Variants in KCNH5 observed in about 807,000 individuals in gnomAD.
The protein encoded by KCNH5 is voltage-gated delayed rectifier potassium channel KCNH5.
A neutral mutation model predicts 96.1 loss-of-function variants in KCNH5; 46 were observed. The observed-to-expected ratio is 0.48, with a 90% confidence interval of 0.38 to 0.61. The LOEUF is 0.61. KCNH5 is among the 20% of genes least tolerant of loss of function. KCNH5 has a pLI of 0.00. For synonymous variants in KCNH5, 439 were observed against 449.8 expected, an observed-to-expected ratio of 0.98 and a Z score of 0.30; for missense variants, 907 against 1,225.8, an observed-to-expected ratio of 0.74 and a Z score of 3.88.
intron 1 of KCNH5, among the ~76,000 whole-genome samples, chr14:63,017,798 C>T (rs56913206): frequency 0.048 from 7,250 of 151,500 alleles, 200 homozygotes; most frequent in East Asian, 0.062. Flanking sequence ...TTCAAAATTT[C>T]ACCTAAGAAA....
At chr14:62,834,559 A>G (rs1055905157) in intron 8 of KCNH5, among the ~76,000 whole-genome samples, 1 of 151,988 alleles carries the variant, frequency 6.6e-6, no homozygotes, top group African/African-American at 2.4e-5. Flanking sequence ...GGCAAGGTAC[A>G]TAAGAGTTTT....
At chr14:62,789,401 A>G (rs1054459736) in intron 9 of KCNH5, among the ~76,000 whole-genome samples, 1 of 152,034 alleles carries the variant, frequency 6.6e-6, no homozygotes, top group Non-Finnish European at 1.5e-5. Flanking sequence ...GGGGGTGCAG[A>G]TATCTCTAGG....
At chr14:62,985,791 C>G (rs956687906) in intron 5 of KCNH5, among the ~76,000 whole-genome samples, 1 of 152,120 alleles carries the variant, frequency 6.6e-6, no homozygotes, top group African/African-American at 2.4e-5. Flanking sequence ...GAGTGCCAGA[C>G]CCATAAATCT....
At chr14:63,039,206 C>G (rs1268436943) in intron 1 of KCNH5, among the ~76,000 whole-genome samples, 1 of 152,004 alleles carries the variant, frequency 6.6e-6, no homozygotes, top group Admixed American at 6.6e-5. Flanking sequence ...AAAGAATTGC[C>G]TTAAACCAAA....
At chr14:62,713,317 C>A (rs937368642) in intron 10 of KCNH5, among the ~76,000 whole-genome samples, 1 of 152,150 alleles carries the variant, frequency 6.6e-6, no homozygotes, top group Non-Finnish European at 1.5e-5. Context: ...AATGTCTACT[C>A]CTCATTTGGA....
At chr14:63,002,489 T>G (rs1202072067) in intron 3 of KCNH5, among the ~76,000 whole-genome samples, 2 of 152,162 alleles carry the variant, frequency 1.3e-5, no homozygotes, top group African/African-American at 2.4e-5. Flanking sequence ...CCTCCAAATA[T>G]TCTATTTTAA....
intron 10 of KCNH5, among the ~76,000 whole-genome samples, chr14:62,727,666 C>T (rs1884958969): frequency 6.6e-6 from 1 of 151,406 alleles, no homozygotes; most frequent in Admixed American, 6.6e-5. Flanking sequence ...TATATTAATT[C>T]AGTGTATTAT....
At chr14:62,752,374 G>A (rs955710381) in intron 10 of KCNH5, among the ~76,000 whole-genome samples, 4 of 151,958 alleles carry the variant, frequency 2.6e-5, no homozygotes, top group Admixed American at 6.6e-5. Flanking sequence ...CAGCTTGAAC[G>A]CAGTGGGGAA....
intron 6 of KCNH5, among the ~76,000 whole-genome samples, chr14:62,952,935 T>C (rs1039476462): frequency 6.6e-6 from 1 of 152,046 alleles, no homozygotes; most frequent in Non-Finnish European, 1.5e-5. Flanking sequence ...TTAAATATTA[T>C]AAAATGTTTT....
intron 6 of KCNH5, among the ~76,000 whole-genome samples, chr14:62,976,014 G>A (rs1367835212): frequency 6.6e-6 from 1 of 151,434 alleles, no homozygotes; most frequent in African/African-American, 2.4e-5. Flanking sequence ...GCATTATTAG[G>A]GACAAAGAGA....
intron 10 of KCNH5, among the ~76,000 whole-genome samples, chr14:62,743,079 T>C (rs1885304687): frequency 6.6e-6 from 1 of 152,202 alleles, no homozygotes. Context: ...AGTTTTCCCG[T>C]CATTTTGCCT....
chr14:62,865,181 G>A (rs995206016), intron 7 of KCNH5, among the ~76,000 whole-genome samples: 6 of 152,154 alleles, frequency 3.9e-5, no homozygotes, highest in Non-Finnish European at 8.8e-5. Context: ...GTCTACGTGA[G>A]TTGGCAGGGC....
chr14:62,725,614 G>A (rs1884909300), intron 10 of KCNH5, among the ~76,000 whole-genome samples: 2 of 152,184 alleles, frequency 1.3e-5, no homozygotes, highest in Admixed American at 6.5e-5. Flanking sequence ...TCACAATTTT[G>A]AGAGTCAGCT....
chr14:62,715,295 T>C (rs896604833), intron 10 of KCNH5, among the ~76,000 whole-genome samples: 6 of 152,214 alleles, frequency 3.9e-5, no homozygotes, highest in African/African-American at 1.4e-4. Flanking sequence ...TTCTCTCAAA[T>C]GGCTCATCAC....
intron 1 of KCNH5, among the ~76,000 whole-genome samples, chr14:63,036,286 G>A (rs1891720035): frequency 6.6e-6 from 1 of 152,160 alleles, no homozygotes; most frequent in Admixed American, 6.5e-5. Context: ...TTATGAACAT[G>A]CTTCATGTCT....
At chr14:62,723,007 C>G (rs771682219) in intron 10 of KCNH5, among the ~76,000 whole-genome samples, 19 of 152,180 alleles carry the variant, frequency 1.2e-4, no homozygotes, top group Non-Finnish European at 2.6e-4. Context: ...CCCTACTGAT[C>G]TCATTTGAGA....
chr14:62,855,338 G>A (rs1441890859), intron 7 of KCNH5, among the ~76,000 whole-genome samples: 3 of 152,214 alleles, frequency 2.0e-5, no homozygotes, highest in African/African-American at 7.2e-5. Flanking sequence ...AAAACAAAAT[G>A]TTCCATCAGT....
At chr14:62,825,777 TTCTC>T (rs1372167935) in intron 8 of KCNH5, among the ~76,000 whole-genome samples, 9 of 152,018 alleles carry the variant, frequency 5.9e-5, no homozygotes. Flanking sequence ...CTTTCTTTCT[TTCTC>T]TCTTACTTTG....
chr14:62,765,185 A>T (rs1390268800), intron 10 of KCNH5, among the ~76,000 whole-genome samples: 1 of 152,208 alleles, frequency 6.6e-6, no homozygotes, highest in Non-Finnish European at 1.5e-5. Flanking sequence ...ACATAGACCA[A>T]TGGAACAAGT....
Sources: allele counts gnomAD v4.1 joint callset (sites outside exome capture counted in the v4.1 genomes callset), GRCh38; gene constraint gnomAD v4.1.1; transcripts MANE v1.5; gene names NCBI Gene and HGNC (gene_info 2026-07-23, HGNC 2026-07-21).